Variants in MOCOS observed in about 807,000 individuals in gnomAD.
MOCOS encodes the protein molybdenum cofactor sulfurase, also known as human molybdenum cofactor sulfurase.
Under a neutral mutation model 83.6 loss-of-function variants are expected in MOCOS, and 86 were observed. The observed-to-expected ratio is 1.03, with a 90% CI of 0.86 to 1.23. The LOEUF is 1.23. Ranked by LOEUF, MOCOS falls within the 50% of genes most tolerant of loss-of-function variation. The pLI is 0.00. For synonymous variants in MOCOS, 445 were observed against 434.7 expected (o/e 1.02, Z -0.29); for missense variants, 1,120 against 1,126.9 (o/e 0.99, Z 0.09).
At chr18:36,266,923 T>G in intron 14 of MOCOS, 70 bp downstream of exon 14, 1 of 1,282,050 alleles carries the variant, frequency 7.8e-7, no homozygotes. Context: ...ACTATGTTCA[T>G]AATAGCACAG....
intron 9 of MOCOS, among the ~76,000 whole-genome samples, chr18:36,233,142 C>T (rs947038888): frequency 2.6e-5 from 4 of 152,108 alleles, no homozygotes; most frequent in South Asian, 2.1e-4. Flanking sequence ...GTGTACACTG[C>T]ACCCAGTTGA....
At chr18:36,259,776 A>T (rs1006154985) in intron 12 of MOCOS, among the ~76,000 whole-genome samples, 2 of 152,126 alleles carry the variant, frequency 1.3e-5, no homozygotes, top group African/African-American at 4.8e-5. Context: ...TTCAGCTAAG[A>T]TCTGCTCGCC....
rs2091346802 is a variant in MOCOS at position 36,187,687 on chromosome 18, G to A, written c.142+6G>A. 2.4e-6 allele frequency: 3 copies of A among 1,265,674 alleles called. No individual in the cohort carries two copies. The highest frequency in any genetic ancestry group is 3.0e-6 in the Non-Finnish European group (3 of 1,005,760). 78.4% of individuals were successfully genotyped at this position (1,265,674 alleles called of 1,614,324 possible). ...CGAGTTCAGCCGCCTGGCAGGTGAG[G>A]CGGGCGGGCAGGCTTGGGGGACACG... On this transcript the variant is annotated splice_donor_region_variant and intron_variant, in intron 1 of 14. Coordinates refer to ENST00000261326, the MANE Select transcript of MOCOS (RefSeq NM_017947.4).
intron 9 of MOCOS, among the ~76,000 whole-genome samples, chr18:36,244,428 G>A (rs111338685): frequency 1.3e-5 from 2 of 152,202 alleles, no homozygotes; most frequent in African/African-American, 4.8e-5. Flanking sequence ...TCTTTGTATA[G>A]TTTCGAGAGT....
chr18:36,267,273 G>A (rs1351577918), intron 14 of MOCOS, among the ~76,000 whole-genome samples: 1 of 152,148 alleles, frequency 6.6e-6, no homozygotes, highest in Admixed American at 6.5e-5. Flanking sequence ...ATTTTCTTGA[G>A]GGTTAAAACA....
At chr18:36,229,679 C>A (rs948170622) in intron 9 of MOCOS, among the ~76,000 whole-genome samples, 2 of 151,982 alleles carry the variant, frequency 1.3e-5, no homozygotes, top group African/African-American at 4.8e-5. Flanking sequence ...CCTAGGCTTA[C>A]TTCACTGTTT....
chr18:36,255,908 C>CAG (rs33983472), intron 11 of MOCOS, among the ~76,000 whole-genome samples: 65,091 of 136,592 alleles, frequency 0.48, 15,406 homozygotes, highest in Admixed American at 0.59. Context: ...TTTTTTTAGA[C>CAG]AGTTTTGCAG....
At chr18:36,257,710 G>A (rs1304372533) in intron 12 of MOCOS, among the ~76,000 whole-genome samples, 1 of 152,078 alleles carries the variant, frequency 6.6e-6, no homozygotes, top group Non-Finnish European at 1.5e-5. Context: ...AAATCACCCA[G>A]CTCTCATGCC....
chr18:36,194,497 G>A (rs781139194), intron 1 of MOCOS, among the ~76,000 whole-genome samples: 1 of 152,132 alleles, frequency 6.6e-6, no homozygotes, highest in Admixed American at 6.5e-5. Context: ...GCAATAGTTC[G>A]TCGAATAGCC....
intron 13 of MOCOS, among the ~76,000 whole-genome samples, chr18:36,262,953 T>G (rs1259216583): frequency 6.6e-6 from 1 of 152,046 alleles, no homozygotes; most frequent in Non-Finnish European, 1.5e-5. Flanking sequence ...TACAGAATAT[T>G]AAAAAATTAG....
At chr18:36,259,165 A>C (rs1232348545) in intron 12 of MOCOS, among the ~76,000 whole-genome samples, 2 of 152,158 alleles carry the variant, frequency 1.3e-5, no homozygotes, top group African/African-American at 4.8e-5. Context: ...AAAATAGGCT[A>C]GGCATGGTGG....
At position 36,196,097 on chromosome 18, in the gene MOCOS, G is replaced by A. The variant is rs186306252; in HGVS notation, c.232+751G>A. 2.7e-3 allele frequency among the ~76,000 whole-genome samples: 408 copies of A among 152,288 alleles called. 3 individuals are homozygous for A. Among genetic ancestry groups the A allele is most frequent in the African/African-American group, 9.2e-3 (381 of 41,566 alleles). On this transcript the variant is annotated intron_variant, in intron 2 of 14. Transcript: ENST00000261326. ...GGAGAAGAGTGGGAGAGGTCTGAAT[G>A]GGGAGGGAGGGAGAAGAAGCCAGTG...
intron 1 of MOCOS, among the ~76,000 whole-genome samples, chr18:36,190,529 A>G (rs1049143234): frequency 1.3e-5 from 2 of 152,000 alleles, no homozygotes; most frequent in Non-Finnish European, 2.9e-5. Context: ...TGGGCAGATC[A>G]CTTGAGCCCA....
chr18:36,260,284 C>T, intron 13 of MOCOS, 109 bp downstream of exon 13: 3 of 1,416,960 alleles, frequency 2.1e-6, no homozygotes, highest in South Asian at 1.2e-5. Flanking sequence ...GTCCTTGTCT[C>T]TTAACTACAA....
Position 36,268,601 on chromosome 18 carries a change from A to C in MOCOS, c.2583A>C (p.Gly861=), listed in dbSNP as rs1201437438. The change falls in exon 15 of 15, where the codon GGA becomes GGC. Residue 861 remains glycine, a synonymous_variant. Coordinates refer to ENST00000261326, the MANE Select transcript of MOCOS (RefSeq NM_017947.4). ...CCTCCCCATGTTTCCTGTCTGTAGGATCTCAGGTGCTCCCTGTGTTGAAAG... is the reference window on the plus strand; with the variant it reads ...CCTCCCCATGTTTCCTGTCTGTAGGCTCTCAGGTGCTCCCTGTGTTGAAAG... The part of the protein sequence containing the change: ...DLSSPCFLSV[G]SQVLPVLKEN... 1 of 1,614,068 alleles carries C rather than the reference A, an allele frequency of 6.2e-7. No individual in the cohort carries two copies. Among genetic ancestry groups the C allele is most frequent in the South Asian group, 1.1e-5 (1 of 91,080 alleles).
Position 36,191,020 on chromosome 18 carries a change from C to CAAA in MOCOS, c.142+3348_142+3350dup, listed in dbSNP as rs113481286. Among the ~76,000 whole-genome samples, 100 of 81,420 alleles carry CAAA rather than the reference C, an allele frequency of 1.2e-3. 4 individuals carry two copies. The highest frequency in any genetic ancestry group is 2.1e-3 in the Non-Finnish European group (89 of 42,176). 53.4% of individuals were successfully genotyped at this position (81,420 alleles called of 152,430 possible). On this transcript the variant is annotated intron_variant, in intron 1 of 14. Coordinates refer to ENST00000261326, the MANE Select transcript of MOCOS (RefSeq NM_017947.4). Reference sequence around the variant, plus strand: ...GGTGGCAGAGCAAGACCCTATCTCTCAAAAAAAAAAAGAAAAAGAAAAAAA... The same window carrying CAAA: ...GGTGGCAGAGCAAGACCCTATCTCTCAAAAAAAAAAAAAAGAAAAAGAAAAAAA...
chr18:36,240,857 C>T (rs959817701), intron 9 of MOCOS, among the ~76,000 whole-genome samples: 26 of 152,182 alleles, frequency 1.7e-4, no homozygotes, highest in South Asian at 2.1e-4. Context: ...TTAAGCCCAT[C>T]GGAAAAGCGC....
chr18:36,189,073 C>T (rs916693319), intron 1 of MOCOS, among the ~76,000 whole-genome samples: 5 of 150,622 alleles, frequency 3.3e-5, no homozygotes, highest in African/African-American at 1.2e-4. Flanking sequence ...ATCAGCACCG[C>T]ACCTCCTTAA....
At chr18:36,188,390 C>G (rs2091350964) in intron 1 of MOCOS, among the ~76,000 whole-genome samples, 1 of 152,230 alleles carries the variant, frequency 6.6e-6, no homozygotes, top group Non-Finnish European at 1.5e-5. Flanking sequence ...TTCCTCAGAG[C>G]GGAACAGGCT....
Sources: gnomAD v4.1 joint callset for allele counts (sites outside exome capture counted in the v4.1 genomes callset) on GRCh38, gnomAD v4.1.1 for gene constraint, MANE v1.5 for transcripts, NCBI Gene and HGNC (gene_info 2026-07-23, HGNC 2026-07-21) for gene names.